The following WDR75 variants were observed in gnomAD, a reference collection of about 807,000 sequenced individuals.
WDR75 encodes the protein WD repeat-containing protein 75.
In WDR75, 52 loss-of-function variants were observed where a neutral mutation model predicts 106.1. The ratio of observed to expected loss-of-function variants is 0.49; its 90% CI spans 0.39 to 0.62. WDR75 has a LOEUF of 0.62. WDR75 is among the 20% of genes least tolerant of loss of function. The pLI is 0.00. For missense variants in WDR75, 905 were observed against 970.3 expected (o/e 0.93, Z 0.89); for synonymous variants, 333 against 335.5 (o/e 0.99, Z 0.08).
chr2:189,447,791 A>C lies in WDR75; in HGVS notation c.87-588A>C, dbSNP rs144008065. On this transcript the variant is annotated intron_variant, in intron 1 of 20. Transcript: ENST00000314761. ...AATTTGAGTATACAATTCTTAAACT[A>C]TACCAAAAGAAATGTCTGTTGCATT... 1.5e-4 allele frequency among the ~76,000 whole-genome samples: 23 copies of C among 152,370 alleles called. No homozygotes were observed. In the East Asian group the frequency reaches 4.2e-3, roughly 28 times the overall value.
intron 4 of WDR75, among the ~76,000 whole-genome samples, chr2:189,452,439 G>T (rs1686643360): frequency 6.6e-6 from 1 of 151,968 alleles, no homozygotes; most frequent in African/African-American, 2.4e-5. Flanking sequence ...GCAGGCACCT[G>T]TAGTCCCAGC....
Position 189,474,199 on chromosome 2 carries a change from A to G in WDR75, c.2063A>G (p.Glu688Gly). ...AAATCCTTAAAGCTGCTAGCAGAAGAAAGTCTTCCCACAACCCCATTTTAT... is the reference window on the plus strand; with the variant it reads ...AAATCCTTAAAGCTGCTAGCAGAAGGAAGTCTTCCCACAACCCCATTTTAT... ...TPTSKQLLAE[E>G]SLPTTPFYFI... is the part of the protein sequence containing the mutation. The change falls in exon 19 of 21, where the codon GAA (glutamate) becomes GGA (glycine). Residue 688 changes from glutamate (E) to glycine (G), a missense_variant. Transcript: ENST00000314761. 6.2e-7 allele frequency: 1 copy of G among 1,610,098 alleles called. No homozygotes were observed. The highest frequency in any genetic ancestry group is 1.1e-5 in the South Asian group (1 of 89,602).
intron 1 of WDR75, among the ~76,000 whole-genome samples, chr2:189,444,010 G>A (rs145576770): frequency 1.3e-5 from 2 of 152,106 alleles, no homozygotes; most frequent in African/African-American, 4.8e-5. Flanking sequence ...TAACTCTAAG[G>A]TACCTGTAAA....
chr2:189,451,700 G>A, intron 3 of WDR75, 105 bp from the exon 4 acceptor site: 2 of 903,256 alleles, frequency 2.2e-6, no homozygotes, highest in Non-Finnish European at 3.5e-6. Context: ...CCTTATGTTG[G>A]GAATACAGCA....
At chr2:189,447,696 T>G (rs184094280) in intron 1 of WDR75, among the ~76,000 whole-genome samples, 1 of 152,352 alleles carries the variant, frequency 6.6e-6, no homozygotes, top group Admixed American at 6.5e-5. Context: ...TAATCTTTTC[T>G]GAGTTAATAA....
At chr2:189,449,907 T>G in intron 2 of WDR75, 1 of 984,012 alleles carries the variant, frequency 1.0e-6, no homozygotes, top group Non-Finnish European at 1.2e-6. Context: ...AATATTAAAA[T>G]TCTTTGTAAA....
chr2:189,443,624 T>C (rs1482423928), intron 1 of WDR75, among the ~76,000 whole-genome samples: 2 of 152,174 alleles, frequency 1.3e-5, no homozygotes, highest in African/African-American at 4.8e-5. Context: ...AGTACAGTGA[T>C]GGCATAGAAG....
At chr2:189,455,861 T>TC (rs901633536) in intron 5 of WDR75, among the ~76,000 whole-genome samples, 5 of 152,218 alleles carry the variant, frequency 3.3e-5, no homozygotes, top group Non-Finnish European at 7.3e-5. Context: ...AAATAACTTT[T>TC]CCCGAAAAGA....
intron 2 of WDR75, chr2:189,450,052 T>G (rs1686583513): frequency 1.0e-6 from 1 of 983,172 alleles, no homozygotes; most frequent in Admixed American, 6.2e-5. Context: ...CAAAGTATGG[T>G]CCACAGACCA....
intron 18 of WDR75, among the ~76,000 whole-genome samples, chr2:189,471,129 TCTC>T: frequency 6.6e-6 from 1 of 152,272 alleles, no homozygotes; most frequent in Admixed American, 6.5e-5. Flanking sequence ...AGAAAAAACT[TCTC>T]CAACACCACT....
intron 18 of WDR75, 70 bp downstream of exon 18, chr2:189,470,948 A>G (rs1312108228): frequency 6.6e-6 from 8 of 1,217,556 alleles, no homozygotes; most frequent in East Asian, 5.3e-5. Context: ...TTAGAAGTCA[A>G]CTATGAAAAA....
At chr2:189,468,949 C>G (rs1322408344) in intron 15 of WDR75, among the ~76,000 whole-genome samples, 2 of 152,132 alleles carry the variant, frequency 1.3e-5, no homozygotes, top group African/African-American at 2.4e-5. Flanking sequence ...ACAGTCCTAA[C>G]AAATGTGAAC....
intron 12 of WDR75, 133 bp downstream of exon 12, chr2:189,465,387 T>G: frequency 2.4e-5 from 22 of 915,450 alleles, no homozygotes; most frequent in South Asian, 5.1e-5. Flanking sequence ...GGTTTTATTC[T>G]AATAAAACCT....
At chr2:189,453,347 C>G (rs571212245) in intron 4 of WDR75, among the ~76,000 whole-genome samples, 2 of 152,298 alleles carry the variant, frequency 1.3e-5, no homozygotes, top group Non-Finnish European at 2.9e-5. Flanking sequence ...CCAGGTGATT[C>G]TGCTCATCAC....
intron 16 of WDR75, 139 bp from the exon 17 acceptor site, chr2:189,469,937 G>T: frequency 1.4e-6 from 1 of 727,350 alleles, no homozygotes. Context: ...GATACCTCTT[G>T]AATCAAAGCC....
At chr2:189,441,770 C>A (rs1686371903) in intron 1 of WDR75, among the ~76,000 whole-genome samples, 192 bp downstream of exon 1, 1 of 152,128 alleles carries the variant, frequency 6.6e-6, no homozygotes, top group Admixed American at 6.5e-5. Flanking sequence ...GGTTGCGTCC[C>A]CCGATTCCTG....
chr2:189,456,339 G>A (rs1359722300), intron 5 of WDR75, among the ~76,000 whole-genome samples: 1 of 152,098 alleles, frequency 6.6e-6, no homozygotes, highest in African/African-American at 2.4e-5. Flanking sequence ...GTGTACAAGA[G>A]TGATTATTCA....
chr2:189,466,290 T>C (rs1686997778), intron 12 of WDR75, 135 bp from the exon 13 acceptor site: 1 of 951,228 alleles, frequency 1.1e-6, no homozygotes, highest in Non-Finnish European at 1.6e-6. Flanking sequence ...GAGCACTCAA[T>C]TGTTTGTCAT....
rs1686800752 is a variant in WDR75 at position 189,458,877 on chromosome 2, G to C, written c.689+5G>C. The C allele has an allele frequency of 1.3e-6, 2 of 1,598,724 alleles. No homozygotes were observed. Among genetic ancestry groups the C allele is most frequent in the Non-Finnish European group, 8.5e-7 (1 of 1,173,894 alleles). ...GGATGGCAAAATTCGTCTTTGGTCAGTTTGCTCATGAAGAGCATGGCGATC... is the reference window on the plus strand; with the variant it reads ...GGATGGCAAAATTCGTCTTTGGTCACTTTGCTCATGAAGAGCATGGCGATC... On this transcript the variant is annotated splice_donor_5th_base_variant and intron_variant, in intron 7 of 20. Transcript: ENST00000314761.
Sources: gnomAD v4.1 joint callset for allele counts (sites outside exome capture counted in the v4.1 genomes callset) on GRCh38, gnomAD v4.1.1 for gene constraint, MANE v1.5 for transcripts, NCBI Gene and HGNC (gene_info 2026-07-23, HGNC 2026-07-21) for gene names.